KATNAL2: variants seen among roughly 807,000 people sequenced by gnomAD.
The protein encoded by KATNAL2 is katanin p60 ATPase-containing subunit A-like 2.
KATNAL2 carries 52 observed loss-of-function variants against 76.3 expected under a neutral mutation model. The observed-to-expected ratio is 0.68, with a 90% CI of 0.55 to 0.86. The LOEUF (loss-of-function observed/expected upper bound fraction) is 0.86, where lower values mean the gene tolerates loss of function less well. Ranked by LOEUF, KATNAL2 falls within the 40% of genes least tolerant of loss-of-function variation. The pLI, the probability that KATNAL2 is intolerant of heterozygous loss-of-function variation, is 0.00. For missense variants in KATNAL2, 660 were observed against 668.9 expected, an observed-to-expected ratio of 0.99 and a Z score of 0.15; for synonymous variants, 243 against 244.2, an observed-to-expected ratio of 1.00 and a Z score of 0.05.
intron 15 of KATNAL2, among the ~76,000 whole-genome samples, chr18:47,078,586 T>C (rs2062354189): frequency 6.6e-6 from 1 of 152,174 alleles, no homozygotes; most frequent in Non-Finnish European, 1.5e-5. Context: ...AAAACAAGGT[T>C]GATCATAACC....
At chr18:47,073,616 T>A (rs142614777) in intron 13 of KATNAL2, among the ~76,000 whole-genome samples, 1 of 152,128 alleles carries the variant, frequency 6.6e-6, no homozygotes, top group Non-Finnish European at 1.5e-5. Flanking sequence ...AATTAAAGAG[T>A]TATTTATAGG....
At chr18:46,919,073 A>C (rs923792188) in intron 1 of KATNAL2, among the ~76,000 whole-genome samples, 1 of 151,368 alleles carries the variant, frequency 6.6e-6, no homozygotes, top group Non-Finnish European at 1.5e-5. Context: ...TGTTTTGGCC[A>C]GGTGCAGTGG....
At chr18:47,043,234 A>AT (rs2061029315) in intron 3 of KATNAL2, among the ~76,000 whole-genome samples, 1 of 144,150 alleles carries the variant, frequency 6.9e-6, no homozygotes, top group African/African-American at 2.5e-5. Context: ...TTCAAAAAAA[A>AT]AAAAAAAAAA....
At chr18:46,921,246 G>A (rs1371410454) in intron 1 of KATNAL2, among the ~76,000 whole-genome samples, 3 of 152,114 alleles carry the variant, frequency 2.0e-5, no homozygotes, top group Admixed American at 6.6e-5. Context: ...CTCTGCCTCA[G>A]CCTCCCAAGT....
chr18:46,948,929 G>A (rs921685315), intron 3 of KATNAL2, among the ~76,000 whole-genome samples: 1 of 119,158 alleles, frequency 8.4e-6, no homozygotes, highest in Non-Finnish European at 1.8e-5. Context: ...TTTGAGACAG[G>A]GTTTCACTGT....
chr18:47,091,818 G>A (rs2063012368), intron 15 of KATNAL2, among the ~76,000 whole-genome samples: 1 of 152,034 alleles, frequency 6.6e-6, no homozygotes, highest in East Asian at 1.9e-4. Flanking sequence ...GGGACAGCAG[G>A]AAGAAGGAGT....
At position 47,077,227 on chromosome 18, in the gene KATNAL2, C is replaced by T. The variant is rs369004009; in HGVS notation, c.1101-124C>T. ...TCATTTTCTCTAACTCTAGTATGAA[C>T]GGCTCCATTGGCCATCAGAACAGAA... On this transcript the variant is annotated intron_variant, in intron 14 of 17. Coordinates refer to ENST00000683218, the MANE Select transcript of KATNAL2 (RefSeq NM_001387690.1). 1.6e-4 allele frequency: 109 copies of T among 660,610 alleles called. 2 individuals carry two copies. Among genetic ancestry groups the T allele is most frequent in the South Asian group, 8.2e-4 (41 of 50,030 alleles). 40.9% of individuals were successfully genotyped at this position (660,610 alleles called of 1,614,324 possible).
intron 6 of KATNAL2, among the ~76,000 whole-genome samples, chr18:47,055,079 T>C (rs894709123): frequency 7.9e-5 from 12 of 152,190 alleles, no homozygotes; most frequent in African/African-American, 2.9e-4. Context: ...CCTTTTTGGG[T>C]GCACATATTC....
At chr18:47,096,227 CAT>C (rs924175300) in intron 15 of KATNAL2, among the ~76,000 whole-genome samples, 5 of 152,072 alleles carry the variant, frequency 3.3e-5, no homozygotes, top group African/African-American at 7.2e-5. Flanking sequence ...AATATTGTAA[CAT>C]AGATTCAGAA....
chr18:47,087,822 T>C (rs2062840301), intron 15 of KATNAL2, among the ~76,000 whole-genome samples: 1 of 152,116 alleles, frequency 6.6e-6, no homozygotes, highest in African/African-American at 2.4e-5. Context: ...CGTTGTCCTG[T>C]AGATACAAGT....
intron 1 of KATNAL2, among the ~76,000 whole-genome samples, chr18:46,927,494 C>G (rs2058765279): frequency 1.3e-5 from 2 of 152,124 alleles, no homozygotes; most frequent in African/African-American, 4.8e-5. Context: ...GTAACCCGAC[C>G]TTTCTCTCTG....
rs1182585370 is a variant in KATNAL2 at position 47,101,786 on chromosome 18, C to G, written c.*781C>G. The G allele has an allele frequency of 6.6e-6, 1 of 152,286 alleles. No individual in the cohort carries two copies. The highest frequency in any genetic ancestry group is 1.5e-5 in the Non-Finnish European group (1 of 68,110). 9.4% of individuals were successfully genotyped at this position (152,286 alleles called of 1,614,324 possible). Reference sequence around the variant, plus strand: ...CAAAGCTTAGGATGGGGCACCTAAGCTTCGAGAACATTCATCCCAAGTCTT... The same window carrying G: ...CAAAGCTTAGGATGGGGCACCTAAGGTTCGAGAACATTCATCCCAAGTCTT... On this transcript the variant is annotated 3_prime_UTR_variant, in exon 18 of 18. Transcript: ENST00000683218.
intron 15 of KATNAL2, among the ~76,000 whole-genome samples, chr18:47,079,675 A>T (rs1456953068): frequency 1.3e-5 from 2 of 149,730 alleles, no homozygotes; most frequent in African/African-American, 2.5e-5. Flanking sequence ...CTTTTCCTCC[A>T]CTTGTCATTG....
At chr18:46,930,525 A>C (rs1178720668) in intron 1 of KATNAL2, among the ~76,000 whole-genome samples, 3 of 152,206 alleles carry the variant, frequency 2.0e-5, no homozygotes, top group Non-Finnish European at 4.4e-5. Flanking sequence ...GTTAGAAAAA[A>C]GAAAAGCAGG....
chr18:47,081,026 TCCTTC>T (rs1239755347), intron 15 of KATNAL2, among the ~76,000 whole-genome samples: 1 of 148,492 alleles, frequency 6.7e-6, no homozygotes, highest in African/African-American at 2.5e-5. Context: ...CTCCTCCCTT[TCCTTC>T]CCTTCCCTCT....
chr18:47,032,967 TC>T (rs767588960), intron 3 of KATNAL2: 1 of 1,613,318 alleles, frequency 6.2e-7, no homozygotes, highest in Admixed American at 1.7e-5. Flanking sequence ...AATGCAAAAA[TC>T]CCCCCAGATT....
At position 47,052,199 on chromosome 18, in the gene KATNAL2, T is replaced by C. The variant is rs190295700; in HGVS notation, c.123-681T>C. On this transcript the variant is annotated intron_variant, in intron 4 of 17. Transcript: ENST00000683218. ...TTGCTTCCAGTGCTAAGGCCACTTA[T>C]ATTGGACAGTTTTACAACTGAACAA... Among the ~76,000 whole-genome samples the C allele has an allele frequency of 3.2e-4, 48 of 152,356 alleles. 1 individual carries two copies. Among genetic ancestry groups the C allele is most frequent in the Non-Finnish European group, 5.7e-4 (39 of 68,026 alleles).
chr18:47,071,601 A>G (rs1442379320), intron 13 of KATNAL2, among the ~76,000 whole-genome samples: 1 of 152,122 alleles, frequency 6.6e-6, no homozygotes, highest in African/African-American at 2.4e-5. Flanking sequence ...TGTCATGAAA[A>G]GTGGTGTTTG....
chr18:47,031,662 G>C (rs1188204254), intron 3 of KATNAL2, among the ~76,000 whole-genome samples: 1 of 152,148 alleles, frequency 6.6e-6, no homozygotes, highest in African/African-American at 2.4e-5. Context: ...TATTTTAGTA[G>C]AGATGGGATC....
Sources: gnomAD v4.1 joint callset for allele counts (sites outside exome capture counted in the v4.1 genomes callset) on GRCh38, gnomAD v4.1.1 for gene constraint, MANE v1.5 for transcripts, NCBI Gene and HGNC (gene_info 2026-07-23, HGNC 2026-07-21) for gene names.